HELZ: variants seen among roughly 807,000 people sequenced by gnomAD.
The protein encoded by HELZ is ATP-dependent RNA helicase with zinc finger domain.
HELZ carries 23 observed loss-of-function variants against 218.2 expected under a neutral mutation model. The observed-to-expected ratio is 0.11, with a 90% CI of 0.08 to 0.15. The LOEUF (loss-of-function observed/expected upper bound fraction) is 0.15. HELZ is among the 10% of genes least tolerant of loss of function. HELZ has a pLI of 1.00. For synonymous variants in HELZ, 814 were observed against 829.4 expected (o/e 0.98, Z 0.32); for missense variants, 1,813 against 2,353.7 (o/e 0.77, Z 4.75).
Position 67,130,328 on chromosome 17 carries a change from C to A in HELZ, c.3183-1473G>T, listed in dbSNP as rs1217620825. ...AAACCACTTGTACCCATAAAGCTGT[C>A]GAAAAAAGAATTTTAATAAAAAAAA... On this transcript the variant is annotated intron_variant, in intron 23 of 32. Coordinates refer to ENST00000358691, the MANE Select transcript of HELZ (RefSeq NM_014877.4). Among the ~76,000 whole-genome samples the A allele has an allele frequency of 6.0e-5, 9 of 149,304 alleles. No individual in the cohort carries two copies. The South Asian group carries it at 1.9e-3, about 32-fold the overall frequency.
intron 14 of HELZ, 55 bp downstream of exon 14, chr17:67,167,408 G>T: frequency 7.9e-7 from 1 of 1,267,150 alleles, no homozygotes; most frequent in South Asian, 1.4e-5. Flanking sequence ...GGAAGACTAC[G>T]AGCTGATAAT....
In HELZ at chr17:67,108,495, G is replaced by A; in HGVS notation, c.4721C>T (p.Ser1574Leu). The change falls in exon 30 of 33, where the codon TCA (serine) becomes TTA (leucine). Residue 1574 changes from serine to leucine, a missense_variant. Ser to Leu is a moderately radical substitution (Grantham distance 145). This residue lies in a region of HELZ where 938 missense variants were observed against 1,027.5 expected (regional missense o/e 0.91). Coordinates refer to ENST00000358691, the MANE Select transcript of HELZ (RefSeq NM_014877.4). This position sits in a 1 kb window ranked among gnomAD's most constrained non-coding sequence, Gnocchi z 4.1. ...TATTTTCAGTCCGCTGGAATACCTT[G>A]AGTATGTGGTCTCCACTTCATCTTC... is the stretch of plus-strand genomic sequence containing the variant. The part of the protein sequence containing the change: ...SAEDEVETTY[S>L]RFQDLIRELS... 8.1e-6 allele frequency: 13 copies of A among 1,612,296 alleles called. No individual in the cohort carries two copies. The highest frequency in any genetic ancestry group is 1.0e-5 in the Non-Finnish European group (12 of 1,178,492).
chr17:67,178,655 T>C lies in HELZ; in HGVS notation c.1430+4A>G. ...TGTTTTAAAGTGTTTCTAAAGTAAC[T>C]TACTTGCTGATTTCTTTATACTGGG... On this transcript the variant is annotated splice_donor_region_variant and intron_variant, in intron 13 of 32. Transcript: ENST00000358691. 1 of 1,598,732 alleles carries C rather than the reference T, an allele frequency of 6.3e-7. No individual in the cohort carries two copies. The highest frequency in any genetic ancestry group is 8.5e-7 in the Non-Finnish European group (1 of 1,173,230).
chr17:67,197,398 A>G (rs1291423792), intron 7 of HELZ, among the ~76,000 whole-genome samples: 2 of 152,276 alleles, frequency 1.3e-5, no homozygotes, highest in African/African-American at 4.8e-5. Context: ...GTGAAAACAG[A>G]CTAATATACT....
intron 7 of HELZ, 139 bp from the exon 8 acceptor site, chr17:67,195,609 A>AT (rs543919214): frequency 7.8e-5 from 44 of 566,678 alleles, no homozygotes; most frequent in Non-Finnish European, 1.3e-4. Flanking sequence ...GTTGCCAATG[A>AT]TTTTTGTTTT....
intron 26 of HELZ, among the ~76,000 whole-genome samples, chr17:67,121,436 G>A (rs2037607160): frequency 6.6e-6 from 1 of 152,194 alleles, no homozygotes; most frequent in South Asian, 2.1e-4. Context: ...AAAATCCAAA[G>A]TCTGAAGTCT....
At chr17:67,195,838 C>CTTTTTTTTTTTTTTTTTTTTTTTTTTTT (rs66827855) in intron 7 of HELZ, among the ~76,000 whole-genome samples, 1 of 101,544 alleles carries the variant, frequency 9.8e-6, no homozygotes, top group Non-Finnish European at 1.8e-5. Context: ...GTTTCTTTTC[C>CTTTTTTTTTTTTTTTTTTTTTTTTTTTT]TTTTTTTTTT....
intron 3 of HELZ, among the ~76,000 whole-genome samples, chr17:67,232,275 C>T (rs1194332121): frequency 2.0e-5 from 3 of 151,858 alleles, no homozygotes; most frequent in Non-Finnish European, 4.4e-5. Flanking sequence ...TCCTGAGTAG[C>T]TGAGATTACA....
At chr17:67,099,490 G>C (rs1033338322) in intron 31 of HELZ, among the ~76,000 whole-genome samples, 13 of 152,082 alleles carry the variant, frequency 8.5e-5, no homozygotes, top group Admixed American at 4.6e-4. Flanking sequence ...ATATAATCAC[G>C]ATTTTCAAAT....
intron 5 of HELZ, among the ~76,000 whole-genome samples, chr17:67,205,505 G>A (rs1185734487): frequency 6.6e-6 from 1 of 152,076 alleles, no homozygotes. Context: ...GCATAAGTAA[G>A]AATTCCCTAC....
intron 31 of HELZ, among the ~76,000 whole-genome samples, chr17:67,098,811 C>T (rs952849539): frequency 1.3e-5 from 2 of 152,150 alleles, no homozygotes; most frequent in African/African-American, 4.8e-5. Context: ...ATTTGATAGA[C>T]TCGCTAAAAT....
At chr17:67,217,279 C>A (rs973926862) in intron 4 of HELZ, among the ~76,000 whole-genome samples, 6 of 152,128 alleles carry the variant, frequency 3.9e-5, no homozygotes, top group African/African-American at 1.4e-4. Context: ...TGCGACTGCT[C>A]CCCCTCATTC....
intron 28 of HELZ, 104 bp from the exon 29 acceptor site, chr17:67,109,790 A>G (rs987461455): frequency 3.9e-6 from 3 of 775,980 alleles, no homozygotes; most frequent in African/African-American, 3.5e-5. Context: ...ATACATTGAT[A>G]TCTTCCAGCA....
chr17:67,188,200 G>C lies in HELZ; in HGVS notation c.1162+119C>G, dbSNP rs1303566104. On this transcript the variant is annotated intron_variant, in intron 12 of 32. Transcript: ENST00000358691. The surrounding 1 kb of genome is among the most constrained non-coding windows in gnomAD (Gnocchi z 4.1). ...CACAGTAAATGAGTCAATTAAGTTG[G>C]GATTTTTTTCTTTATTACTATTCTC... is the stretch of plus-strand genomic sequence containing the variant. The C allele has an allele frequency of 6.4e-6, 6 of 943,052 alleles. No individual in the cohort carries two copies. Among genetic ancestry groups the C allele is most frequent in the Non-Finnish European group, 9.6e-6 (6 of 626,002 alleles). The allele number at this position is 943,052 out of a possible 1,614,324, so 58.4% of individuals were successfully genotyped here.
chr17:67,130,608 CA>C (rs1567826004), intron 23 of HELZ, among the ~76,000 whole-genome samples: 2 of 151,890 alleles, frequency 1.3e-5, no homozygotes, highest in Non-Finnish European at 2.9e-5. Context: ...CTTTTTTTCT[CA>C]TCATAACATG....
chr17:67,108,549 C>T lies in HELZ; in HGVS notation c.4667G>A (p.Arg1556Lys), dbSNP rs748580130. The T allele has an allele frequency of 5.6e-6, 9 of 1,613,958 alleles. No homozygotes were observed. The highest frequency in any genetic ancestry group is 2.7e-5 in the African/African-American group (2 of 74,896). ...ACTGCTGGTGAGCTTCCAGTCTGCCCTCACTGGCGGCTGATGTAATCCCAG... is the reference window on the plus strand; with the variant it reads ...ACTGCTGGTGAGCTTCCAGTCTGCCTTCACTGGCGGCTGATGTAATCCCAG... ...PPLGLHQPPV[R>K]ADWKLTSSAE... The change falls in exon 30 of 33, where the codon AGG becomes AAG. Residue 1556 changes from arginine (R) to lysine (K), a missense_variant. Arg to Lys is a conservative substitution (Grantham distance 26). Around this residue, in one of 4 missense-constraint regions of HELZ, gnomAD observed 938 missense variants for 1,027.5 expected, o/e 0.91. Transcript: ENST00000358691. The surrounding 1 kb of genome is among the most constrained non-coding windows in gnomAD (Gnocchi z 4.1).
At chr17:67,082,860 G>T (rs76353473) in intron 32 of HELZ, among the ~76,000 whole-genome samples, 8,287 of 120,058 alleles carry the variant, frequency 0.069, 385 homozygotes, top group African/African-American at 0.19. Context: ...TTTTTTTTTT[G>T]TTTTTTTTTT....
chr17:67,224,651 G>C, intron 3 of HELZ: 1 of 637,438 alleles, frequency 1.6e-6, no homozygotes, highest in Non-Finnish European at 2.9e-6. Flanking sequence ...GAGACAAATG[G>C]CTTAGTGTGA....
At chr17:67,214,861 G>A (rs2143261880) in intron 5 of HELZ, among the ~76,000 whole-genome samples, 1 of 152,176 alleles carries the variant, frequency 6.6e-6, no homozygotes, top group African/African-American at 2.4e-5. Context: ...GCCTGAAACA[G>A]GAGACCAGGT....
Sources: allele counts gnomAD v4.1 joint callset (sites outside exome capture counted in the v4.1 genomes callset), GRCh38; gene constraint gnomAD v4.1.1; regional missense constraint gnomAD v4.1.1; non-coding constraint Gnocchi (gnomAD v3.1); transcripts MANE v1.5; gene names NCBI Gene and HGNC (gene_info 2026-07-23, HGNC 2026-07-21).